LRMDA: variants seen among roughly 807,000 people sequenced by gnomAD.
LRMDA encodes leucine rich melanocyte differentiation associated, also known as leucine-rich melanocyte differentiation-associated protein.
Under a neutral mutation model 29.8 loss-of-function variants are expected in LRMDA, and 18 were observed. The observed-to-expected ratio is 0.60, with a 90% CI of 0.42 to 0.90. The LOEUF is 0.90. Among genes scored for constraint, LRMDA ranks in the 40% least tolerant of loss-of-function variants. The pLI, the probability that LRMDA is intolerant of heterozygous loss-of-function variation, is 0.00. For synonymous variants in LRMDA, 125 were observed against 109.4 expected (o/e 1.14, Z -0.89); for missense variants, 273 against 273.9 (o/e 1.00, Z 0.02).
intron 2 of LRMDA, among the ~76,000 whole-genome samples, chr10:75,856,693 G>T (rs1252842877): frequency 1.3e-5 from 2 of 152,126 alleles, no homozygotes; most frequent in African/African-American, 4.8e-5. Flanking sequence ...AAAATAATTA[G>T]AGGTGTCTAT....
At chr10:75,556,869 G>A (rs1160174717) in intron 2 of LRMDA, among the ~76,000 whole-genome samples, 2 of 150,540 alleles carry the variant, frequency 1.3e-5, no homozygotes, top group Non-Finnish European at 3.0e-5. Flanking sequence ...CAGTGCAAGA[G>A]GTATTACTCA....
At chr10:75,944,357 A>T (rs1204373688) in intron 2 of LRMDA, among the ~76,000 whole-genome samples, 2 of 152,034 alleles carry the variant, frequency 1.3e-5, no homozygotes, top group Non-Finnish European at 2.9e-5. Context: ...TTCAGAATTC[A>T]GAGGTTAATA....
At position 76,025,577 on chromosome 10, in the gene LRMDA, GCTCACTGAA is replaced by G. The variant is rs1848049776; in HGVS notation, c.132-10430_132-10422del. Among the ~76,000 whole-genome samples, 11 of 152,116 alleles carry G rather than the reference GCTCACTGAA, an allele frequency of 7.2e-5. No homozygotes were observed. The South Asian group carries it at 2.3e-3, about 32-fold the overall frequency. On this transcript the variant is annotated intron_variant, in intron 2 of 6. Transcript: ENST00000611255. ...ATCATTTGTATCCCCAGATGCATGT[GCTCACTGAA>G]TTCCTGTCATGTTGGAAATGGATAC...
chr10:75,624,580 T>C (rs1308630916), intron 2 of LRMDA, among the ~76,000 whole-genome samples: 1 of 152,196 alleles, frequency 6.6e-6, no homozygotes, highest in East Asian at 1.9e-4. Flanking sequence ...TTTAGATGTT[T>C]CTTCCTGTCC....
chr10:76,321,853 G>T (rs1840775618), intron 5 of LRMDA, among the ~76,000 whole-genome samples: 1 of 152,180 alleles, frequency 6.6e-6, no homozygotes, highest in African/African-American at 2.4e-5. Flanking sequence ...GCTGAGGCAT[G>T]AGAATTGCTT....
At chr10:75,911,290 C>T (rs117695362) in intron 2 of LRMDA, among the ~76,000 whole-genome samples, 1 of 152,204 alleles carries the variant, frequency 6.6e-6, no homozygotes, top group Non-Finnish European at 1.5e-5. Context: ...TTTCTTGGTG[C>T]ACCCTGTGTG....
At chr10:75,925,920 C>T (rs867918634) in intron 2 of LRMDA, among the ~76,000 whole-genome samples, 20 of 152,240 alleles carry the variant, frequency 1.3e-4, no homozygotes, top group Middle Eastern at 3.4e-3. Flanking sequence ...TCATTTATTA[C>T]ATACCAGGCA....
chr10:76,186,897 A>G (rs1306736765), intron 5 of LRMDA, among the ~76,000 whole-genome samples: 1 of 152,116 alleles, frequency 6.6e-6, no homozygotes, highest in Non-Finnish European at 1.5e-5. Context: ...TGTTCCATGG[A>G]CCAGTTGGTC....
At chr10:75,552,502 T>C (rs1178086115) in intron 2 of LRMDA, 1 of 471,354 alleles carries the variant, frequency 2.1e-6, no homozygotes, top group Non-Finnish European at 4.5e-6. Context: ...AGGTGTGCCA[T>C]CCACCCCATC....
At chr10:75,856,123 G>A (rs182676877) in intron 2 of LRMDA, among the ~76,000 whole-genome samples, 4 of 152,240 alleles carry the variant, frequency 2.6e-5, no homozygotes, top group East Asian at 1.9e-4. Context: ...TAGCTTGATG[G>A]GGATGGCATT....
chr10:75,946,597 C>T (rs762078617), intron 2 of LRMDA, among the ~76,000 whole-genome samples: 4 of 152,146 alleles, frequency 2.6e-5, no homozygotes, highest in Non-Finnish European at 4.4e-5. Flanking sequence ...AAATATGGTT[C>T]GGATTGCCCA....
intron 2 of LRMDA, among the ~76,000 whole-genome samples, chr10:75,696,417 G>A (rs1909677): frequency 0.78 from 118,585 of 152,228 alleles, 47,086 homozygotes; most frequent in African/African-American, 0.94. Flanking sequence ...GGCAGAACTA[G>A]TCACAAGACC....
At chr10:76,261,064 C>CTT (rs58554883) in intron 5 of LRMDA, among the ~76,000 whole-genome samples, 3,928 of 117,616 alleles carry the variant, frequency 0.033, 295 homozygotes, top group African/African-American at 0.1. Flanking sequence ...CTTTTCTTTT[C>CTT]TTTTTTTTTT....
Position 75,728,667 on chromosome 10 carries a change from G to A in LRMDA, c.131+290173G>A, listed in dbSNP as rs149786076. On this transcript the variant is annotated intron_variant, in intron 2 of 6. Transcript: ENST00000611255. ...CGGAGCACTGGGGAGGAGGCAATGT[G>A]ATGGGAACCATGAACTCGATCTGAG... Among the ~76,000 whole-genome samples the A allele has an allele frequency of 4.3e-3, 650 of 152,268 alleles. 4 individuals are homozygous for A. The highest frequency in any genetic ancestry group is 0.02 in the Middle Eastern group (6 of 294).
At chr10:75,734,415 T>A (rs144123540) in intron 2 of LRMDA, among the ~76,000 whole-genome samples, 27 of 152,094 alleles carry the variant, frequency 1.8e-4, no homozygotes, top group African/African-American at 6.3e-4. Flanking sequence ...ACAGGGTGAG[T>A]ATTCAGGAGA....
rs1237018414 is a variant in LRMDA, at chr10:76,056,047, C to T, written c.399-2619C>T. 5.3e-5 allele frequency among the ~76,000 whole-genome samples: 8 copies of T among 152,186 alleles called. 1 individual carries two copies. In the South Asian group the frequency reaches 1.4e-3, roughly 28 times the overall value. ...AGATCCAGGAAGAATGAAGCATGCA[C>T]ACAATTGGAGGGTGAGCAAGGCAAA... On this transcript the variant is annotated intron_variant, in intron 4 of 6. Transcript: ENST00000611255.
intron 2 of LRMDA, among the ~76,000 whole-genome samples, chr10:75,607,057 C>T (rs930648574): frequency 1.3e-5 from 2 of 152,206 alleles, no homozygotes; most frequent in Admixed American, 6.5e-5. Context: ...GATTTTGTAG[C>T]TTCCAAATTT....
chr10:75,995,997 C>T (rs1847454917), intron 2 of LRMDA, among the ~76,000 whole-genome samples: 1 of 152,130 alleles, frequency 6.6e-6, no homozygotes, highest in African/African-American at 2.4e-5. Context: ...TGTGCTTTGC[C>T]TGGGAAAAGC....
intron 6 of LRMDA, among the ~76,000 whole-genome samples, chr10:76,353,225 G>A (rs199728430): frequency 1.3e-5 from 2 of 152,084 alleles, no homozygotes; most frequent in East Asian, 3.9e-4. Flanking sequence ...ACAAGAGGGA[G>A]CCATTAATCT....
Sources: gnomAD v4.1 joint callset for allele counts (sites outside exome capture counted in the v4.1 genomes callset) on GRCh38, gnomAD v4.1.1 for gene constraint, MANE v1.5 for transcripts, NCBI Gene and HGNC (gene_info 2026-07-23, HGNC 2026-07-21) for gene names.